Variants in WDR59 observed in about 807,000 individuals in gnomAD.
The protein encoded by WDR59 is WD repeat domain 59, also known as GATOR2 complex protein WDR59.
In WDR59, 100 loss-of-function variants were observed where a neutral mutation model predicts 131.2. The ratio of observed to expected loss-of-function variants is 0.76; its 90% confidence interval spans 0.65 to 0.90. The LOEUF (loss-of-function observed/expected upper bound fraction) is 0.90. Ranked by LOEUF, WDR59 falls within the 40% of genes least tolerant of loss-of-function variation. WDR59 has a pLI of 0.00. For synonymous variants in WDR59, 601 were observed against 466.2 expected (o/e 1.29, Z -3.72); for missense variants, 1,203 against 1,262.2 (o/e 0.95, Z 0.71).
Position 74,909,544 on chromosome 16 carries a change from G to T in WDR59, c.1599C>A (p.Asn533Lys), listed in dbSNP as rs202184811. The T allele has an allele frequency of 5.7e-5, 92 of 1,605,938 alleles. No individual in the cohort carries two copies. The highest frequency in any genetic ancestry group is 4.1e-5 in the Non-Finnish European group (48 of 1,176,986). ...CCCCAGAAGTCCTAGGAAAGGGAAT[G>T]TTGGCGTCCTGGTACGACCCGTAAG... ...TTAYGSYQDANIPFPRTSGAR... is the reference protein window; with the variant it reads ...TTAYGSYQDAKIPFPRTSGAR... Residue 533 changes from asparagine to lysine, a missense_variant, in exon 16 of 26, where the codon AAC (asparagine) becomes AAA (lysine). Coordinates refer to ENST00000262144, the MANE Select transcript of WDR59 (RefSeq NM_030581.4).
intron 25 of WDR59, among the ~76,000 whole-genome samples, chr16:74,875,530 C>T (rs115441671): frequency 0.018 from 2,674 of 152,226 alleles, 60 homozygotes; most frequent in African/African-American, 0.058. Flanking sequence ...CTCTCTACCC[C>T]AGTTCTTAGA....
chr16:74,961,587 T>C (rs2033571596), intron 2 of WDR59, among the ~76,000 whole-genome samples: 1 of 152,180 alleles, frequency 6.6e-6, no homozygotes, highest in South Asian at 2.1e-4. Context: ...TGCATAAATG[T>C]CTTCTTTTGA....
Position 74,917,994 on chromosome 16 carries a change from G to A in WDR59, c.901C>T (p.Gln301Ter), listed in dbSNP as rs772939609. ...RKQKEGSKDYQLVTWSRDQTL... is the reference protein window; with the variant it reads ...RKQKEGSKDY ...TGATCCCGGGACCACGTCACCAGTT[G>A]ATAGTCCTTGGACCCTAGAAATCAC... The change falls in exon 11 of 26, where the codon CAA becomes TAA. Residue 301 changes from glutamine to a stop codon, truncating the protein, a stop_gained. Transcript: ENST00000262144. LOFTEE classifies it high-confidence loss of function. 6.2e-7 allele frequency: 1 copy of A among 1,613,794 alleles called. No homozygotes were observed.
At chr16:74,887,824 A>C in intron 22 of WDR59, 69 bp from the exon 23 acceptor site, 1 of 1,496,742 alleles carries the variant, frequency 6.7e-7, no homozygotes, top group South Asian at 1.1e-5. Context: ...AGTTCACATT[A>C]AGAAAACAGC....
rs577074753 is a variant in WDR59, at chr16:74,963,860, G to A, written c.104+1913C>T. Among the ~76,000 whole-genome samples the A allele has an allele frequency of 6.1e-3, 932 of 151,546 alleles. 12 individuals are homozygous for A. Among genetic ancestry groups the A allele is most frequent in the African/African-American group, 0.021 (882 of 41,294 alleles). On this transcript the variant is annotated intron_variant, in intron 2 of 25. Coordinates refer to ENST00000262144, the MANE Select transcript of WDR59 (RefSeq NM_030581.4). ...TGCAGTGAGCCGAGATCACATCAGC[G>A]AATACACTCCAGCCTGGGTGACAGA...
intron 1 of WDR59, among the ~76,000 whole-genome samples, chr16:74,973,959 C>G (rs913623203): frequency 2.0e-5 from 3 of 152,102 alleles, no homozygotes; most frequent in African/African-American, 7.2e-5. Context: ...CACCTGAGGT[C>G]AAGAGTTCGA....
At chr16:74,962,291 T>G (rs910913999) in intron 2 of WDR59, among the ~76,000 whole-genome samples, 1 of 152,188 alleles carries the variant, frequency 6.6e-6, no homozygotes, top group African/African-American at 2.4e-5. Flanking sequence ...GGGTTCCGTA[T>G]GAATTTCATA....
At chr16:74,984,066 C>T (rs1412434206) in intron 1 of WDR59, among the ~76,000 whole-genome samples, 1 of 152,082 alleles carries the variant, frequency 6.6e-6, no homozygotes, top group Non-Finnish European at 1.5e-5. Context: ...CACCTGAGGT[C>T]AGGAGTTCAA....
In WDR59 at chr16:74,873,508, T is replaced by C. The variant is rs1240306542; in HGVS notation, c.*701A>G. The C allele has an allele frequency of 6.6e-6, 1 of 152,142 alleles. No individual in the cohort carries two copies. The highest frequency in any genetic ancestry group is 1.9e-4 in the East Asian group (1 of 5,190). The allele number at this position is 152,142 out of a possible 1,614,324, so 9.4% of individuals were successfully genotyped here. On this transcript the variant is annotated 3_prime_UTR_variant, in exon 26 of 26. Transcript: ENST00000262144. ...CCTTTAAAAATCGGAGCACTGACTT[T>C]GGTCCTATTCAAAATAGCTACCTTC...
chr16:74,945,096 C>T (rs771629128), intron 6 of WDR59, among the ~76,000 whole-genome samples: 8 of 151,506 alleles, frequency 5.3e-5, no homozygotes, highest in Non-Finnish European at 1.2e-4. Context: ...CGCACTATAG[C>T]CTGGCCGACA....
intron 13 of WDR59, among the ~76,000 whole-genome samples, chr16:74,913,374 C>A (rs1966203517): frequency 6.6e-6 from 1 of 151,822 alleles, no homozygotes; most frequent in Non-Finnish European, 1.5e-5. Flanking sequence ...TCAAGTGATT[C>A]TCCCACCTCA....
intron 13 of WDR59, 143 bp from the exon 14 acceptor site, chr16:74,912,505 T>A (rs1392997566): frequency 3.4e-6 from 3 of 887,242 alleles, no homozygotes; most frequent in African/African-American, 3.4e-5. Context: ...TGGAAGACAA[T>A]TCATTTTCAA....
rs529865237 is a variant in WDR59, at chr16:74,908,430, A to C, written c.1712+478T>G. On this transcript the variant is annotated intron_variant, in intron 17 of 25. Transcript: ENST00000262144. ...AGATCCTGTCTCAAAAAAAGAAAAA[A>C]GAAAAAAACTTCCACGTTTGTGTTT... 3.3e-5 allele frequency among the ~76,000 whole-genome samples: 5 copies of C among 152,332 alleles called. No homozygotes were observed. The East Asian group carries it at 9.6e-4, about 29-fold the overall frequency.
intron 1 of WDR59, among the ~76,000 whole-genome samples, chr16:74,969,019 C>A (rs562579947): frequency 1.3e-5 from 2 of 152,216 alleles, no homozygotes; most frequent in East Asian, 3.9e-4. Context: ...GCAATCCAAG[C>A]CCTCTCCACC....
At chr16:74,928,890 T>C (rs996005902) in intron 8 of WDR59, among the ~76,000 whole-genome samples, 43 of 152,122 alleles carry the variant, frequency 2.8e-4, no homozygotes, top group African/African-American at 9.9e-4. Flanking sequence ...GCCTGGATGA[T>C]AGGGCGAGAC....
chr16:74,927,719 A>AC (rs1567728645), intron 8 of WDR59, among the ~76,000 whole-genome samples: 2 of 130,714 alleles, frequency 1.5e-5, no homozygotes, highest in Admixed American at 7.7e-5. Context: ...CACACACACA[A>AC]AACTCAGCTT....
In WDR59 at chr16:74,965,786, C is replaced by T; in HGVS notation, c.91G>A (p.Ala31Thr). The change falls in exon 2 of 26, where the codon GCA becomes ACA. Residue 31 changes from alanine to threonine, a missense_variant. By Grantham distance (58) the Ala-to-Thr change is moderately conservative. Coordinates refer to ENST00000262144, the MANE Select transcript of WDR59 (RefSeq NM_030581.4). ...AMSVDCLGQH[A>T]VLSGRRFLYI... ...AAGCTTACTTACCCAGAAAGCACTG[C>T]ATGCTGCCCAAGACAGTCCACAGAC... 1 of 1,614,108 alleles carries T rather than the reference C, an allele frequency of 6.2e-7. No individual in the cohort carries two copies. Among genetic ancestry groups the T allele is most frequent in the South Asian group, 1.1e-5 (1 of 91,078 alleles).
intron 16 of WDR59, 74 bp downstream of exon 16, chr16:74,909,427 T>A: frequency 6.8e-7 from 1 of 1,461,804 alleles, no homozygotes; most frequent in South Asian, 1.5e-5. Flanking sequence ...CTGATGAAGA[T>A]GTTTATACAG....
intron 18 of WDR59, 66 bp downstream of exon 18, chr16:74,903,881 C>T (rs1965675360): frequency 1.3e-6 from 2 of 1,535,160 alleles, no homozygotes; most frequent in African/African-American, 1.4e-5. Flanking sequence ...CTGCGCCAGG[C>T]AGGAGATGAG....
Sources: allele counts gnomAD v4.1 joint callset (sites outside exome capture counted in the v4.1 genomes callset), GRCh38; gene constraint gnomAD v4.1.1; transcripts MANE v1.5; gene names NCBI Gene and HGNC (gene_info 2026-07-23, HGNC 2026-07-21).